The following AHDC1 variants were observed in gnomAD, a reference collection of about 807,000 sequenced individuals.
AHDC1 encodes AT-hook DNA binding motif containing 1.
AHDC1 carries 7 observed loss-of-function variants against 87.9 expected under a neutral mutation model. The observed-to-expected ratio is 0.08, with a 90% CI of 0.05 to 0.15. The LOEUF is 0.15. Among genes scored for constraint, AHDC1 ranks in the 10% least tolerant of loss-of-function variants. The probability of loss-of-function intolerance (pLI) is 1.00; values close to 1 mark genes in which losing one functional copy is unlikely to be tolerated. For synonymous variants in AHDC1, 1,051 were observed against 1,006.8 expected (o/e 1.04, Z -0.83); for missense variants, 1,841 against 2,253.2 (o/e 0.82, Z 3.70).
At chr1:27,566,024 G>T (rs1011245446) in intron 3 of AHDC1, among the ~76,000 whole-genome samples, 3 of 152,160 alleles carry the variant, frequency 2.0e-5, no homozygotes, top group Non-Finnish European at 2.9e-5. Context: ...GGGATCCTTT[G>T]GGGTGACTCT....
intron 3 of AHDC1, among the ~76,000 whole-genome samples, chr1:27,573,648 C>T (rs897912737): frequency 3.9e-5 from 6 of 152,154 alleles, no homozygotes; most frequent in African/African-American, 1.4e-4. Flanking sequence ...ATCCCAGCGC[C>T]CCAGAGAGCT....
intron 8 of AHDC1, among the ~76,000 whole-genome samples, chr1:27,541,024 A>AAAAAAAAAC (rs2018889590): frequency 7.2e-6 from 1 of 138,550 alleles, no homozygotes; most frequent in Admixed American, 7.2e-5. Flanking sequence ...AAAAAAAAAA[A>AAAAAAAAAC]AACAACAACA....
At chr1:27,568,521 C>A (rs996699664) in intron 3 of AHDC1, among the ~76,000 whole-genome samples, 1 of 152,170 alleles carries the variant, frequency 6.6e-6, no homozygotes, top group South Asian at 2.1e-4. Context: ...GCCGGCCCTG[C>A]CTTTTCCTCC....
At position 27,548,735 on chromosome 1, in the gene AHDC1, G is replaced by A; in HGVS notation, c.3381C>T (p.Leu1127=). The change falls in exon 8 of 9, where the codon CTC becomes CTT. Residue 1127 remains leucine (L), a synonymous_variant. Transcript: ENST00000673934. ...CGTGGCAGTCAAAACTGGGATTGTA[G>A]AGCTGACTAAAGGCCTCTGAGGCCC... ...LDWASEAFSQ[L]YNPSFDCHVS... 1 of 1,613,298 alleles carries A rather than the reference G, an allele frequency of 6.2e-7. No homozygotes were observed. Among genetic ancestry groups the A allele is most frequent in the Non-Finnish European group, 8.5e-7 (1 of 1,180,040 alleles).
intron 3 of AHDC1, among the ~76,000 whole-genome samples, chr1:27,589,319 G>A (rs1456028245): frequency 1.3e-5 from 2 of 152,160 alleles, no homozygotes; most frequent in South Asian, 2.1e-4. Flanking sequence ...GCCTGTGCTC[G>A]TGTGAGTACC....
At position 27,549,510 on chromosome 1, in the gene AHDC1, C is replaced by A; in HGVS notation, c.2606G>T (p.Gly869Val). The A allele has an allele frequency of 6.2e-7, 1 of 1,613,244 alleles. No homozygotes were observed. The highest frequency in any genetic ancestry group is 8.5e-7 in the Non-Finnish European group (1 of 1,179,962). ...ACTGGTGGGTGGCCCTGCATAGGTG[C>A]CCGATGCCTTCCGGGACTCTGGGCG... ...ASRPESRKAS[G>V]TYAGPPTSAL... is the part of the protein sequence containing the mutation. Residue 869 changes from glycine to valine, a missense_variant, in exon 8 of 9, where the codon GGC becomes GTC. Around this residue, in one of 13 missense-constraint regions of AHDC1, gnomAD observed 378 missense variants for 399.0 expected, o/e 0.95. Transcript: ENST00000673934.
rs184390837 is a variant in AHDC1, at chr1:27,590,675, A to G, written c.-629+12722T>C. ...CCTGGCTGGGCTGAGAGGCATCAGG[A>G]GAGGATTTAAGGTCCAAAGTTGGGG... On this transcript the variant is annotated intron_variant, in intron 3 of 8. Coordinates refer to ENST00000673934, the MANE Select transcript of AHDC1 (RefSeq NM_001371928.1). This position sits in a 1 kb window ranked among gnomAD's most constrained non-coding sequence, Gnocchi z 5.4. 6.6e-6 allele frequency among the ~76,000 whole-genome samples: 1 copy of G among 152,236 alleles called. No homozygotes were observed. Among genetic ancestry groups the G allele is most frequent in the Non-Finnish European group, 1.5e-5 (1 of 68,016 alleles).
rs956998921 is a variant in AHDC1, at chr1:27,602,863, G to A, written c.-629+534C>T. Among the ~76,000 whole-genome samples, 77 of 151,096 alleles carry A rather than the reference G, an allele frequency of 5.1e-4. 1 individual carries two copies. The highest frequency in any genetic ancestry group is 1.7e-3 in the African/African-American group (69 of 40,998). Reference sequence around the variant, plus strand: ...GTCCCCGCCCCTCAACTCCCCGAGAGCCAGTGGATCCTAGGGATTTGGGGG... The same window carrying A: ...GTCCCCGCCCCTCAACTCCCCGAGAACCAGTGGATCCTAGGGATTTGGGGG... On this transcript the variant is annotated intron_variant, in intron 3 of 8. Transcript: ENST00000673934.
rs747135569 is a variant in AHDC1 at position 27,547,619 on chromosome 1, G to A, written c.4497C>T (p.Cys1499=). The A allele has an allele frequency of 3.2e-5, 52 of 1,602,116 alleles. 1 individual carries two copies. The Middle Eastern group carries it at 5.2e-4, about 16-fold the overall frequency. Residue 1499 remains cysteine, a synonymous_variant, in exon 8 of 9, where the codon TGC becomes TGT. Coordinates refer to ENST00000673934, the MANE Select transcript of AHDC1 (RefSeq NM_001371928.1). This position sits in a 1 kb window ranked among gnomAD's most constrained non-coding sequence, Gnocchi z 4.9. Reference sequence around the variant, plus strand: ...GGCTAGCCAGGTGAGGGGCACTGAGGCACGCGGCCTCCGTCCTGCCCAGGA... The same window carrying A: ...GGCTAGCCAGGTGAGGGGCACTGAGACACGCGGCCTCCGTCCTGCCCAGGA... ...ADFLGRTEAA[C]LSAPHLASPP...
At chr1:27,575,760 G>A (rs2088709363) in intron 3 of AHDC1, among the ~76,000 whole-genome samples, 1 of 151,814 alleles carries the variant, frequency 6.6e-6, no homozygotes, top group Admixed American at 6.6e-5. Context: ...CCGCGCCCCG[G>A]GCCCGGCGGA....
At chr1:27,596,541 T>C (rs1280623807) in intron 3 of AHDC1, among the ~76,000 whole-genome samples, 1 of 152,126 alleles carries the variant, frequency 6.6e-6, no homozygotes, top group African/African-American at 2.4e-5. Context: ...TGGATGTTCC[T>C]GTTCAGGTAG....
At position 27,595,425 on chromosome 1, in the gene AHDC1, G is replaced by T. The variant is rs2089342235; in HGVS notation, c.-629+7972C>A. Among the ~76,000 whole-genome samples the T allele has an allele frequency of 1.3e-5, 2 of 150,296 alleles. No individual in the cohort carries two copies. On this transcript the variant is annotated intron_variant, in intron 3 of 8. Coordinates refer to ENST00000673934, the MANE Select transcript of AHDC1 (RefSeq NM_001371928.1). The surrounding 1 kb of genome is among the most constrained non-coding windows in gnomAD (Gnocchi z 4.0). Reference sequence around the variant, plus strand: ...CTGGCAGTGTTGGGGTTGGATAGGGGGTTGATATGCTGAGGGTGTGATAGC... The same window carrying T: ...CTGGCAGTGTTGGGGTTGGATAGGGTGTTGATATGCTGAGGGTGTGATAGC...
Position 27,551,025 on chromosome 1 carries a change from C to T in AHDC1, c.1091G>A (p.Arg364His), listed in dbSNP as rs377117403. The change falls in exon 8 of 9, where the codon CGC (arginine) becomes CAC (histidine). Residue 364 changes from arginine to histidine, a missense_variant. Physicochemically the swap from Arg to His is conservative, Grantham distance 29. This residue lies in a region of AHDC1 where 370 missense variants were observed against 391.5 expected (regional missense o/e 0.95). Transcript: ENST00000673934. ...LGHCPLAEPLRLDLCSPHGPP... is the reference protein window; with the variant it reads ...LGHCPLAEPLHLDLCSPHGPP... Reference sequence around the variant, plus strand: ...GCCGTGCGGTGAGCACAAGTCCAGGCGCAAGGGCTCGGCCAGTGGGCAGTG... The same window carrying T: ...GCCGTGCGGTGAGCACAAGTCCAGGTGCAAGGGCTCGGCCAGTGGGCAGTG... The T allele has an allele frequency of 3.7e-5, 57 of 1,558,300 alleles. No homozygotes were observed. The highest frequency in any genetic ancestry group is 4.4e-5 in the Non-Finnish European group (51 of 1,157,064).
At position 27,551,824 on chromosome 1, in the gene AHDC1, G is replaced by C; in HGVS notation, c.292C>G (p.Pro98Ala). 1.9e-6 allele frequency: 3 copies of C among 1,612,082 alleles called. No individual in the cohort carries two copies. The highest frequency in any genetic ancestry group is 2.5e-6 in the Non-Finnish European group (3 of 1,179,762). The change falls in exon 8 of 9, where the codon CCC (proline) becomes GCC (alanine). Residue 98 changes from proline to alanine, a missense_variant. Physicochemically the swap from Pro to Ala is conservative, Grantham distance 27 (BLOSUM62 -1). This residue lies in a region of AHDC1 where 142 missense variants were observed against 165.6 expected (regional missense o/e 0.86). Coordinates refer to ENST00000673934, the MANE Select transcript of AHDC1 (RefSeq NM_001371928.1). ...CTGCTGCCGTCTCCGACCGGTGTGG[G>C]GCAGCGGGCCTGTGAGACAGGACGG... Reference protein sequence around the residue: ...AARPVSQARCPTPVGDGSSSR... With the variant: ...AARPVSQARCATPVGDGSSSR...
intron 3 of AHDC1, among the ~76,000 whole-genome samples, chr1:27,571,616 G>C (rs186563821): frequency 2.0e-5 from 3 of 152,118 alleles, no homozygotes; most frequent in Non-Finnish European, 2.9e-5. Flanking sequence ...AAGGAGGGGG[G>C]GGTGGCTGCT....
intron 3 of AHDC1, among the ~76,000 whole-genome samples, chr1:27,581,767 C>T (rs1399304360): frequency 4.6e-5 from 7 of 152,212 alleles, no homozygotes; most frequent in African/African-American, 1.2e-4. Flanking sequence ...CTACTGCTGA[C>T]GACAACATCA....
chr1:27,559,406 C>T (rs1169951343), intron 3 of AHDC1, among the ~76,000 whole-genome samples: 1 of 152,136 alleles, frequency 6.6e-6, no homozygotes, highest in African/African-American at 2.4e-5. Flanking sequence ...TGTTTTTGCA[C>T]ATCTATGTAC....
chr1:27,549,903 G>C lies in AHDC1; in HGVS notation c.2213C>G (p.Pro738Arg). ...CTTCCGGGACCGTCTCTTGCGCTTTGGCTTCCCAGTCACAGCGTCTACCTC... is the reference window on the plus strand; with the variant it reads ...CTTCCGGGACCGTCTCTTGCGCTTTCGCTTCCCAGTCACAGCGTCTACCTC... ...RGEVDAVTGK[P>R]KRKRRSRKNG... The change falls in exon 8 of 9, where the codon CCA becomes CGA. Residue 738 changes from proline (P) to arginine (R), a missense_variant. Coordinates refer to ENST00000673934, the MANE Select transcript of AHDC1 (RefSeq NM_001371928.1). The C allele has an allele frequency of 6.2e-7, 1 of 1,613,756 alleles. No homozygotes were observed. The highest frequency in any genetic ancestry group is 1.1e-5 in the South Asian group (1 of 91,028).
chr1:27,578,188 A>G (rs2088810662), intron 3 of AHDC1, among the ~76,000 whole-genome samples: 1 of 152,232 alleles, frequency 6.6e-6, no homozygotes. Context: ...AATATACACC[A>G]GATTCTGAAG....
Sources: allele counts gnomAD v4.1 joint callset (sites outside exome capture counted in the v4.1 genomes callset), GRCh38; gene constraint gnomAD v4.1.1; regional missense constraint gnomAD v4.1.1; non-coding constraint Gnocchi (gnomAD v3.1); transcripts MANE v1.5; gene names NCBI Gene and HGNC (gene_info 2026-07-23, HGNC 2026-07-21).